Variants in OR52N4 observed in about 807,000 individuals in gnomAD.
The protein encoded by OR52N4 is olfactory receptor 52N4.
Under a neutral mutation model 15.0 loss-of-function variants are expected in OR52N4, and 15 were observed. The ratio of observed to expected loss-of-function variants is 1.00; its 90% CI spans 0.67 to 1.54. OR52N4 has a LOEUF of 1.54. OR52N4 is among the 40% of genes most tolerant of loss of function. The pLI, the probability that OR52N4 is intolerant of heterozygous loss-of-function variation, is 0.00. For synonymous variants in OR52N4, 143 were observed against 143.7 expected (o/e 1.00, Z 0.03); for missense variants, 421 against 394.0 (o/e 1.07, Z -0.58).
At chr11:5,743,419 G>C in the OR52N4 span, among the ~76,000 whole-genome samples, 8,205 of 152,088 alleles carry the variant, frequency 0.054, 678 homozygotes, top group African/African-American at 0.18. Context: ...TTCTGCCCAA[G>C]AACCACAGAA....
chr11:5,737,100 G>C, the OR52N4 span: 1 of 1,614,060 alleles, frequency 6.2e-7, no homozygotes, highest in Non-Finnish European at 8.5e-7. Flanking sequence ...GGGGTCACAA[G>C]CCTGGCTTGT....
the OR52N4 span, among the ~76,000 whole-genome samples, chr11:5,729,657 T>C: frequency 6.6e-6 from 1 of 152,214 alleles, no homozygotes; most frequent in Admixed American, 6.5e-5. Context: ...CACTTTAATG[T>C]GAATCTCAAT....
At chr11:5,741,416 G>A in the OR52N4 span, among the ~76,000 whole-genome samples, 1 of 152,218 alleles carries the variant, frequency 6.6e-6, no homozygotes, top group African/African-American at 2.4e-5. Flanking sequence ...AGAATGTGAT[G>A]GACGATGATG....
chr11:5,736,471 A>G, the OR52N4 span: 14 of 1,573,942 alleles, frequency 8.9e-6, no homozygotes, highest in African/African-American at 1.3e-5. Flanking sequence ...CCAACCTGTG[A>G]TAACTGAGAA....
At chr11:5,730,162 T>A in the OR52N4 span, among the ~76,000 whole-genome samples, 1 of 151,594 alleles carries the variant, frequency 6.6e-6, no homozygotes, top group Non-Finnish European at 1.5e-5. Flanking sequence ...TCCAGAGAAA[T>A]ACCTGTCATC....
the OR52N4 span, among the ~76,000 whole-genome samples, chr11:5,734,763 C>G: frequency 6.6e-6 from 1 of 152,022 alleles, no homozygotes. Flanking sequence ...TCCACGCATC[C>G]AGGATAAAAC....
the OR52N4 span, among the ~76,000 whole-genome samples, chr11:5,739,178 G>A: frequency 6.4e-5 from 8 of 124,734 alleles, 2 homozygotes; most frequent in African/African-American, 2.3e-4. Context: ...CAATATAGTT[G>A]AGAACATTAA....
the OR52N4 span, chr11:5,737,135 T>A: frequency 6.2e-7 from 1 of 1,614,022 alleles, no homozygotes; most frequent in South Asian, 1.1e-5. Flanking sequence ...AAACAGCATT[T>A]GCCAGTTGGT....
the OR52N4 span, among the ~76,000 whole-genome samples, chr11:5,733,622 G>C: frequency 1.3e-5 from 2 of 151,976 alleles, no homozygotes; most frequent in Non-Finnish European, 2.9e-5. Context: ...TGATTTTGTT[G>C]TTATTATTCT....
At chr11:5,749,827 T>C (rs576355938), upstream of OR52N4, among the ~76,000 whole-genome samples, 180 of 152,076 alleles carry the variant, frequency 1.2e-3, no homozygotes, top group African/African-American at 3.9e-3. Context: ...GAAGATAACA[T>C]GTATCAATAT....
Position 5,755,064 on chromosome 11 carries a change from C to T in OR52N4, c.324C>T (p.Thr108=). Residue 108 remains threonine (T), a synonymous_variant, in exon 2 of 2, where the codon ACC becomes ACT. Transcript: ENST00000641350. ...TTGTCCAGATGTTCTTCACCCACAC[C>T]TTCACAGGGATGGAGTCTGGGGTGC... is the stretch of plus-strand genomic sequence containing the variant. ...ECLVQMFFTH[T]FTGMESGVLM... 6.2e-7 allele frequency: 1 copy of T among 1,613,982 alleles called. No homozygotes were observed. Among genetic ancestry groups the T allele is most frequent in the Non-Finnish European group, 8.5e-7 (1 of 1,179,958 alleles).
At chr11:5,745,019 C>A in the OR52N4 span, among the ~76,000 whole-genome samples, 1 of 152,012 alleles carries the variant, frequency 6.6e-6, no homozygotes, top group East Asian at 1.9e-4. Flanking sequence ...AAACTGTTAA[C>A]AAACTAGGCA....
chr11:5,749,601 T>A (rs1471353663), upstream of OR52N4, among the ~76,000 whole-genome samples: 1 of 151,830 alleles, frequency 6.6e-6, no homozygotes, highest in Non-Finnish European at 1.5e-5. Context: ...CTCCTTTACT[T>A]CCCCCAAACC....
chr11:5,742,365 C>T, the OR52N4 span, among the ~76,000 whole-genome samples: 1 of 147,948 alleles, frequency 6.8e-6, no homozygotes, highest in Admixed American at 6.7e-5. Flanking sequence ...ACACAAGAAA[C>T]TCAGAGAACA....
the OR52N4 span, among the ~76,000 whole-genome samples, chr11:5,734,022 T>C: frequency 6.6e-6 from 1 of 152,174 alleles, no homozygotes; most frequent in Non-Finnish European, 1.5e-5. Context: ...TCTTTCATCA[T>C]GTCTGCAAAT....
At chr11:5,753,985 C>T (rs11823984), upstream of OR52N4, among the ~76,000 whole-genome samples, 14,608 of 98,768 alleles carry the variant, frequency 0.15, 893 homozygotes, top group African/African-American at 0.22. Context: ...CAAGACTCTG[C>T]CTCAAAAAAA....
At chr11:5,734,342 A>G in the OR52N4 span, 1 of 380,842 alleles carries the variant, frequency 2.6e-6, no homozygotes, top group Non-Finnish European at 5.2e-6. Context: ...AAAGATTGAC[A>G]TTTCTCTCTG....
chr11:5,747,584 TACA>T, the OR52N4 span, among the ~76,000 whole-genome samples: 4 of 152,004 alleles, frequency 2.6e-5, no homozygotes, highest in South Asian at 2.1e-4. Flanking sequence ...CTACAATTTA[TACA>T]ACAATTAAAA....
chr11:5,736,890 T>G, the OR52N4 span: 1 of 1,614,070 alleles, frequency 6.2e-7, no homozygotes, highest in Admixed American at 1.7e-5. Flanking sequence ...GGTATCCTAC[T>G]CTGCATGGCT....
Sources: allele counts gnomAD v4.1 joint callset (sites outside exome capture counted in the v4.1 genomes callset), GRCh38; gene constraint gnomAD v4.1.1; transcripts MANE v1.5; gene names NCBI Gene and HGNC (gene_info 2026-07-23, HGNC 2026-07-21).